Variants in UBE2V1 observed in about 807,000 individuals in gnomAD.
The protein encoded by UBE2V1 is ubiquitin-conjugating enzyme E2 variant 1.
UBE2V1 carries 15 observed loss-of-function variants against 19.6 expected under a neutral mutation model. The ratio of observed to expected loss-of-function variants is 0.77; its 90% CI spans 0.51 to 1.18. The LOEUF (loss-of-function observed/expected upper bound fraction) is 1.18. Ranked by LOEUF, UBE2V1 falls within the 50% of genes most tolerant of loss-of-function variation. The probability of loss-of-function intolerance (pLI) is 0.00; values close to 1 mark genes in which losing one functional copy is unlikely to be tolerated. For missense variants in UBE2V1, 125 were observed against 184.8 expected (o/e 0.68, Z 1.88); for synonymous variants, 60 against 60.7 (o/e 0.99, Z 0.05).
At chr20:50,112,616 A>G (rs966080162) in intron 1 of UBE2V1, among the ~76,000 whole-genome samples, 3 of 151,600 alleles carry the variant, frequency 2.0e-5, no homozygotes, top group African/African-American at 7.3e-5. Flanking sequence ...CTCTCAAGTC[A>G]CCCCCTCAGG....
intron 1 of UBE2V1, among the ~76,000 whole-genome samples, chr20:50,107,490 G>A (rs988976284): frequency 6.6e-6 from 1 of 152,202 alleles, no homozygotes; most frequent in Non-Finnish European, 1.5e-5. Flanking sequence ...GACAAAGGGG[G>A]AAACAAGATG....
intron 1 of UBE2V1, 36 bp downstream of exon 1, chr20:50,113,070 GC>G: frequency 2.0e-6 from 2 of 991,056 alleles, no homozygotes; most frequent in South Asian, 2.5e-5. Flanking sequence ...CCAAGCCCAT[GC>G]CCCCTCGGCC....
At chr20:50,093,865 T>C (rs1242603439) in intron 2 of UBE2V1, among the ~76,000 whole-genome samples, 2 of 150,518 alleles carry the variant, frequency 1.3e-5, no homozygotes, top group African/African-American at 4.9e-5. Context: ...GGCGGGTACC[T>C]GTAATCCCAG....
chr20:50,110,114 T>C (rs944232761), intron 1 of UBE2V1, among the ~76,000 whole-genome samples: 5 of 152,250 alleles, frequency 3.3e-5, no homozygotes, highest in African/African-American at 1.2e-4. Context: ...CACCAGGGCT[T>C]ACCCCTCTGG....
intron 2 of UBE2V1, among the ~76,000 whole-genome samples, chr20:50,094,010 A>AAAAAAAAAAAT (rs2079416552): frequency 2.1e-5 from 2 of 94,732 alleles, no homozygotes; most frequent in African/African-American, 5.3e-5. Context: ...AAAAAAAAAA[A>AAAAAAAAAAAT]AATAATAATA....
chr20:50,113,198 C>A, upstream of UBE2V1: 1 of 1,195,186 alleles, frequency 8.4e-7, no homozygotes, highest in Non-Finnish European at 1.1e-6. Flanking sequence ...GGCCCTGATG[C>A]GCAGGCGCGC....
At chr20:50,089,866 A>C (rs755574651) in intron 2 of UBE2V1, among the ~76,000 whole-genome samples, 11 of 152,134 alleles carry the variant, frequency 7.2e-5, no homozygotes, top group Non-Finnish European at 1.5e-4. Flanking sequence ...GAGGCATTTG[A>C]CCCTTCACAT....
rs2147188026 is a variant in UBE2V1 at position 50,107,665 on chromosome 20, CA to C, written c.22+5441del. ...GATACATTGTTTCTCCACAAATTGT[CA>C]AATGTATCCATTTGGCTACATCAAA... is the stretch of plus-strand genomic sequence containing the variant. On this transcript the variant is annotated intron_variant, in intron 1 of 3. Transcript: ENST00000371674. Among the ~76,000 whole-genome samples the C allele has an allele frequency of 1.3e-5, 2 of 152,296 alleles. 1 individual carries two copies. The highest frequency in any genetic ancestry group is 1.3e-4 in the Admixed American group (2 of 15,290).
At chr20:50,107,858 A>G (rs961053955) in intron 1 of UBE2V1, among the ~76,000 whole-genome samples, 3 of 152,234 alleles carry the variant, frequency 2.0e-5, no homozygotes, top group South Asian at 4.1e-4. Flanking sequence ...AGGTAAGGTT[A>G]AGTGCTTTAG....
At chr20:50,088,939 C>A (rs2079072887) in intron 2 of UBE2V1, among the ~76,000 whole-genome samples, 1 of 152,118 alleles carries the variant, frequency 6.6e-6, no homozygotes, top group Non-Finnish European at 1.5e-5. Context: ...TAGTTATATA[C>A]AAATTACGTT....
intron 1 of UBE2V1, 145 bp downstream of exon 1, chr20:50,112,962 C>G (rs1421781624): frequency 2.6e-6 from 1 of 390,348 alleles, no homozygotes; most frequent in African/African-American, 2.1e-5. Context: ...CTCCCCCGGT[C>G]AGGCCGCGCC....
chr20:50,086,800 G>A (rs1323377926), intron 2 of UBE2V1, among the ~76,000 whole-genome samples: 4 of 152,136 alleles, frequency 2.6e-5, no homozygotes, highest in Non-Finnish European at 4.4e-5. Flanking sequence ...ACCTAAGGCC[G>A]GGTGAGCTGG....
At chr20:50,105,035 T>C (rs13041983) in intron 1 of UBE2V1, among the ~76,000 whole-genome samples, 9,435 of 152,320 alleles carry the variant, frequency 0.062, 366 homozygotes, top group Middle Eastern at 0.11. Context: ...CCTAGTTTTA[T>C]TTTTAATAAA....
rs537129920 is a variant in UBE2V1 at position 50,093,818 on chromosome 20, C to T, written c.171+2854G>A. On this transcript the variant is annotated intron_variant, in intron 2 of 3. Coordinates refer to ENST00000371674, the MANE Select transcript of UBE2V1 (RefSeq NM_001032288.3). ...CAGCCTGGCTAAGATGGTGAAACCC[C>T]GTCTCTACTAAAAATACAAAATTAG... Among the ~76,000 whole-genome samples the T allele has an allele frequency of 2.0e-5, 3 of 150,788 alleles. No individual in the cohort carries two copies. The East Asian group carries it at 5.9e-4, about 29-fold the overall frequency.
At position 50,096,455 on chromosome 20, in the gene UBE2V1, C is replaced by G. The variant is rs759053803; in HGVS notation, c.171+217G>C. ...GTCTACATTGTCATATAAATTCACACTATGAGTCTAAACAGGTTTTTGCTT... is the reference window on the plus strand; with the variant it reads ...GTCTACATTGTCATATAAATTCACAGTATGAGTCTAAACAGGTTTTTGCTT... On this transcript the variant is annotated intron_variant, in intron 2 of 3. Coordinates refer to ENST00000371674, the MANE Select transcript of UBE2V1 (RefSeq NM_001032288.3). The G allele has an allele frequency of 3.0e-4, 359 of 1,212,924 alleles. 1 individual carries two copies. Among genetic ancestry groups the G allele is most frequent in the Admixed American group, 4.5e-4 (19 of 42,372 alleles). 75.1% of individuals were successfully genotyped at this position (1,212,924 alleles called of 1,614,324 possible).
At chr20:50,108,125 T>C (rs2080510682) in intron 1 of UBE2V1, among the ~76,000 whole-genome samples, 1 of 152,242 alleles carries the variant, frequency 6.6e-6, no homozygotes, top group Non-Finnish European at 1.5e-5. Flanking sequence ...TGGCAGTTTC[T>C]ATTTTACGTC....
In UBE2V1 at chr20:50,084,158, T is replaced by C; in HGVS notation, c.268A>G (p.Met90Val). ...CCATTAGAACTATTTACTCCATTCA[T>C]ATTAATTTTTGTTACAAATCTTACA... ...PFVRFVTKINMNGVNSSNGVV... is the reference protein window; with the variant it reads ...PFVRFVTKINVNGVNSSNGVV... Residue 90 changes from methionine (M) to valine (V), a missense_variant, in exon 3 of 4, where the codon ATG becomes GTG. By Grantham distance (21) the Met-to-Val change is conservative (BLOSUM62 1). Coordinates refer to ENST00000371674, the MANE Select transcript of UBE2V1 (RefSeq NM_001032288.3). 1.2e-6 allele frequency: 2 copies of C among 1,606,622 alleles called. No individual in the cohort carries two copies. Among genetic ancestry groups the C allele is most frequent in the Non-Finnish European group, 1.7e-6 (2 of 1,177,516 alleles).
chr20:50,083,095 G>T (rs2078712673), intron 3 of UBE2V1, among the ~76,000 whole-genome samples, 181 bp from the exon 4 acceptor site: 1 of 152,190 alleles, frequency 6.6e-6, no homozygotes, highest in South Asian at 2.1e-4. Context: ...CAGTCAGCCT[G>T]CCTTTCCCTT....
At chr20:50,108,828 A>G in intron 1 of UBE2V1, 2 of 626,126 alleles carry the variant, frequency 3.2e-6, no homozygotes, top group Non-Finnish European at 4.0e-6. Flanking sequence ...ACAGCACATA[A>G]CCCAGAAGAG....
Sources: allele counts gnomAD v4.1 joint callset (sites outside exome capture counted in the v4.1 genomes callset), GRCh38; gene constraint gnomAD v4.1.1; transcripts MANE v1.5; gene names NCBI Gene and HGNC (gene_info 2026-07-23, HGNC 2026-07-21).